DAB1: variants seen among roughly 807,000 people sequenced by gnomAD.
DAB1 encodes the protein disabled homolog 1.
Under a neutral mutation model 64.6 loss-of-function variants are expected in DAB1, and 15 were observed. The observed-to-expected ratio is 0.23, with a 90% CI of 0.16 to 0.36. The LOEUF is 0.36. Ranked by LOEUF, DAB1 falls within the 10% of genes least tolerant of loss-of-function variation. The probability of loss-of-function intolerance (pLI) is 1.00; values close to 1 mark genes in which losing one functional copy is unlikely to be tolerated. For missense variants in DAB1, 596 were observed against 706.7 expected, an observed-to-expected ratio of 0.84 and a Z score of 1.78; for synonymous variants, 235 against 251.9, an observed-to-expected ratio of 0.93 and a Z score of 0.64.
At chr1:57,196,051 A>AT (rs1194993163) in intron 2 of DAB1, among the ~76,000 whole-genome samples, 1 of 152,038 alleles carries the variant, frequency 6.6e-6, no homozygotes, top group African/African-American at 2.4e-5. Context: ...GAGTAGGAGG[A>AT]AGGGGTGGGA....
intron 4 of DAB1, among the ~76,000 whole-genome samples, chr1:58,222,670 G>A (rs1227104664): frequency 6.6e-6 from 1 of 152,208 alleles, no homozygotes; most frequent in African/African-American, 2.4e-5. Flanking sequence ...ATAAGAGGCA[G>A]AGCCTAATGC....
At chr1:57,558,899 T>C (rs1177357717) in intron 7 of DAB1, among the ~76,000 whole-genome samples, 1 of 152,178 alleles carries the variant, frequency 6.6e-6, no homozygotes, top group Non-Finnish European at 1.5e-5. Context: ...CCAGAAGATA[T>C]ACCCTTGACC....
intron 7 of DAB1, among the ~76,000 whole-genome samples, chr1:57,619,017 C>A (rs532538978): frequency 1.3e-5 from 2 of 152,278 alleles, no homozygotes; most frequent in South Asian, 4.1e-4. Context: ...AATGAGTTAA[C>A]CTTTGTAAAA....
At chr1:58,028,976 G>A (rs1305219423) in intron 5 of DAB1, among the ~76,000 whole-genome samples, 2 of 152,176 alleles carry the variant, frequency 1.3e-5, no homozygotes, top group African/African-American at 2.4e-5. Context: ...TGGTATGAAC[G>A]GCTACCTCAC....
intron 3 of DAB1, among the ~76,000 whole-genome samples, chr1:58,416,302 AC>A (rs1644719298): frequency 6.6e-6 from 1 of 152,050 alleles, no homozygotes; most frequent in Non-Finnish European, 1.5e-5. Context: ...CAGCTGCATG[AC>A]CCCAAAGAAA....
chr1:57,371,556 C>A (rs1331094014), intron 1 of DAB1, among the ~76,000 whole-genome samples: 1 of 152,134 alleles, frequency 6.6e-6, no homozygotes, highest in African/African-American at 2.4e-5. Context: ...CTCTTATTCA[C>A]CCACTCAATA....
intron 7 of DAB1, among the ~76,000 whole-genome samples, chr1:57,514,116 T>C (rs1644436909): frequency 6.6e-6 from 1 of 152,246 alleles, no homozygotes; most frequent in African/African-American, 2.4e-5. Flanking sequence ...TTCCATCTTT[T>C]GGCTATTGTG....
chr1:58,431,579 G>A (rs1345702967), intron 3 of DAB1, among the ~76,000 whole-genome samples: 7 of 140,100 alleles, frequency 5.0e-5, no homozygotes, highest in African/African-American at 5.5e-5. Flanking sequence ...AAAAAAAAAA[G>A]GGAGAAGAAG....
intron 4 of DAB1, among the ~76,000 whole-genome samples, chr1:57,078,569 T>C (rs1276604472): frequency 6.6e-6 from 1 of 152,202 alleles, no homozygotes; most frequent in East Asian, 1.9e-4. Context: ...AGGTATCTTC[T>C]TGGGCTACTG....
chr1:57,140,494 T>A (rs1658496075), intron 3 of DAB1, among the ~76,000 whole-genome samples: 1 of 152,134 alleles, frequency 6.6e-6, no homozygotes, highest in South Asian at 2.1e-4. Context: ...AGCCCCTTTT[T>A]GGGAAACAGA....
intron 4 of DAB1, among the ~76,000 whole-genome samples, chr1:58,185,991 C>A (rs952294826): frequency 1.3e-5 from 2 of 152,176 alleles, no homozygotes; most frequent in Admixed American, 6.5e-5. Flanking sequence ...TCTGTTCTAA[C>A]AGCAAAACTA....
chr1:57,037,937 T>C (rs1647239641), intron 9 of DAB1, among the ~76,000 whole-genome samples: 1 of 152,226 alleles, frequency 6.6e-6, no homozygotes, highest in African/African-American at 2.4e-5. Flanking sequence ...TGCTGTCCAA[T>C]ACAGCAGTCA....
intron 4 of DAB1, among the ~76,000 whole-genome samples, chr1:57,106,262 C>CCA (rs758120942): frequency 2.0e-5 from 3 of 151,288 alleles, no homozygotes; most frequent in Non-Finnish European, 4.4e-5. Flanking sequence ...CTAACACCCC[C>CCA]CCCCATCAGT....
chr1:58,275,166 A>G (rs1661412273), intron 4 of DAB1, among the ~76,000 whole-genome samples: 1 of 152,228 alleles, frequency 6.6e-6, no homozygotes, highest in Non-Finnish European at 1.5e-5. Flanking sequence ...GTGATACTCT[A>G]TGTAAAAATT....
At chr1:58,541,409 T>C (rs567844828) in intron 1 of DAB1, 1 of 141,008 alleles carries the variant, frequency 7.1e-6, no homozygotes, top group Non-Finnish European at 1.5e-5. Context: ...AACTAATCCA[T>C]AGTGACAGAG....
intron 7 of DAB1, among the ~76,000 whole-genome samples, chr1:57,579,265 T>C (rs1052660465): frequency 5.9e-5 from 9 of 152,218 alleles, no homozygotes; most frequent in African/African-American, 1.4e-4. Flanking sequence ...TCCATCATAA[T>C]GAAGGTTCCT....
intron 3 of DAB1, among the ~76,000 whole-genome samples, chr1:58,360,109 G>C (rs1208445845): frequency 1.3e-5 from 2 of 152,108 alleles, no homozygotes; most frequent in Non-Finnish European, 2.9e-5. Flanking sequence ...CCTTGAAAAG[G>C]TTGTGTTCTA....
At chr1:57,821,277 C>T (rs115488933), downstream of DAB1, among the ~76,000 whole-genome samples, 252 of 152,138 alleles carry the variant, frequency 1.7e-3, no homozygotes, top group African/African-American at 5.8e-3. Context: ...CCAGAAGGTA[C>T]ACTCAATAAG....
At chr1:57,904,184 G>A (rs921829791) in intron 5 of DAB1, among the ~76,000 whole-genome samples, 3 of 152,208 alleles carry the variant, frequency 2.0e-5, no homozygotes, top group Non-Finnish European at 4.4e-5. Flanking sequence ...CAAGTTCCTA[G>A]GTGAAGCTGA....
Sources: allele counts gnomAD v4.1 joint callset (sites outside exome capture counted in the v4.1 genomes callset), GRCh38; gene constraint gnomAD v4.1.1; transcripts MANE v1.5; gene names NCBI Gene and HGNC (gene_info 2026-07-23, HGNC 2026-07-21).